Variants in ADAMTS20 observed in about 807,000 individuals in gnomAD.
ADAMTS20 encodes the protein ADAM metallopeptidase with thrombospondin type 1 motif 20.
In ADAMTS20, 225 loss-of-function variants were observed where a neutral mutation model predicts 260.1. The observed-to-expected ratio is 0.87, with a 90% CI of 0.78 to 0.97. The LOEUF (loss-of-function observed/expected upper bound fraction) is 0.97. Among genes scored for constraint, ADAMTS20 ranks in the 50% least tolerant of loss-of-function variants. ADAMTS20 has a pLI of 0.00. For synonymous variants in ADAMTS20, 802 were observed against 769.5 expected, an observed-to-expected ratio of 1.04 and a Z score of -0.70; for missense variants, 2,400 against 2,337.7, an observed-to-expected ratio of 1.03 and a Z score of -0.55.
At position 43,440,037 on chromosome 12, in the gene ADAMTS20, TGAAAA is replaced by T. The variant is rs1293054631; in HGVS notation, c.2318_2322del (p.Leu773GlnfsTer23). ...GACGTACTTAGAAGAAAATTTCCAT[TGAAAA>T]GAAAATTCCCTTCAGCGTCAGATAA... On this transcript the variant is annotated frameshift_variant, in exon 17 of 39. Transcript: ENST00000389420. LOFTEE classifies it high-confidence loss of function. 1.3e-6 allele frequency: 2 copies of T among 1,562,238 alleles called. No homozygotes were observed. The highest frequency in any genetic ancestry group is 1.7e-6 in the Non-Finnish European group (2 of 1,152,164).
intron 11 of ADAMTS20, among the ~76,000 whole-genome samples, chr12:43,457,723 A>C (rs910806086): frequency 6.6e-6 from 1 of 152,178 alleles, no homozygotes; most frequent in Admixed American, 6.5e-5. Context: ...TTGACCTTTC[A>C]TTATCTCACT....
intron 19 of ADAMTS20, among the ~76,000 whole-genome samples, chr12:43,433,132 T>C (rs1237455597): frequency 6.6e-6 from 1 of 152,186 alleles, no homozygotes; most frequent in Non-Finnish European, 1.5e-5. Flanking sequence ...AATCAGATAG[T>C]TTATCCCTAT....
Position 43,375,401 on chromosome 12 carries a change from A to T in ADAMTS20, c.5424T>A (p.Asp1808Glu), listed in dbSNP as rs1296373674. Reference protein sequence around the residue: ...GYTVFSKIRIDLTSMQIKTTD... With the variant: ...GYTVFSKIRIELTSMQIKTTD... The stretch of plus-strand genomic sequence containing the variant: ...TACTTTTAATTTGCATGGAAGTGAG[A>T]TCAATTCTTATTTTGCTGAAAACAG... Residue 1808 changes from aspartate (D) to glutamate (E), a missense_variant, in exon 36 of 39, where the codon GAT becomes GAA. Coordinates refer to ENST00000389420, the MANE Select transcript of ADAMTS20 (RefSeq NM_025003.5). 1 of 1,613,420 alleles carries T rather than the reference A, an allele frequency of 6.2e-7. No homozygotes were observed. The highest frequency in any genetic ancestry group is 1.7e-5 in the Admixed American group (1 of 59,870).
chr12:43,377,801 C>CGT (rs57655714), intron 31 of ADAMTS20, among the ~76,000 whole-genome samples: 37,984 of 150,342 alleles, frequency 0.25, 5,353 homozygotes, highest in African/African-American at 0.39. Context: ...CCTGTGTGTG[C>CGT]GTGTGTGTGT....
intron 11 of ADAMTS20, among the ~76,000 whole-genome samples, chr12:43,459,415 C>G (rs963873790): frequency 4.6e-5 from 7 of 152,206 alleles, no homozygotes; most frequent in African/African-American, 1.4e-4. Flanking sequence ...ATAACACTCA[C>G]AGCATGGCCC....
chr12:43,407,633 C>G (rs1940943388), intron 28 of ADAMTS20, among the ~76,000 whole-genome samples: 1 of 151,820 alleles, frequency 6.6e-6, no homozygotes, highest in African/African-American at 2.4e-5. Flanking sequence ...ATATTATTTT[C>G]CACAAATAAC....
intron 21 of ADAMTS20, 139 bp from the exon 22 acceptor site, chr12:43,431,635 G>C (rs1356029567): frequency 3.1e-6 from 3 of 966,720 alleles, no homozygotes; most frequent in Admixed American, 4.5e-5. Context: ...CTCCACCAGA[G>C]ATATTCACTG....
intron 28 of ADAMTS20, among the ~76,000 whole-genome samples, chr12:43,412,005 A>T (rs1345964793): frequency 4.6e-5 from 7 of 152,190 alleles, no homozygotes; most frequent in Non-Finnish European, 1.0e-4. Flanking sequence ...TACCTTATTA[A>T]CACACTAGAA....
chr12:43,478,062 T>C (rs1276797859), intron 7 of ADAMTS20, among the ~76,000 whole-genome samples: 1 of 152,142 alleles, frequency 6.6e-6, no homozygotes. Flanking sequence ...ATAAGATGTA[T>C]GGCTATCATG....
chr12:43,375,807 C>T (rs947562784), intron 35 of ADAMTS20, among the ~76,000 whole-genome samples: 3 of 152,128 alleles, frequency 2.0e-5, no homozygotes, highest in Non-Finnish European at 2.9e-5. Context: ...TCTCTATGTC[C>T]GACTTCTCAC....
intron 35 of ADAMTS20, 96 bp downstream of exon 35, chr12:43,375,961 C>A: frequency 1.1e-6 from 1 of 884,082 alleles, no homozygotes; most frequent in Non-Finnish European, 1.7e-6. Flanking sequence ...ATTTGTCTCA[C>A]ATGTAAGCTA....
intron 32 of ADAMTS20, 55 bp downstream of exon 32, chr12:43,377,310 C>T (rs2137214100): frequency 1.4e-6 from 2 of 1,467,050 alleles, no homozygotes; most frequent in Non-Finnish European, 1.8e-6. Flanking sequence ...TACCAGATTT[C>T]CCACACCTAG....
intron 9 of ADAMTS20, 55 bp from the exon 10 acceptor site, chr12:43,464,787 A>C: frequency 6.6e-7 from 1 of 1,518,192 alleles, no homozygotes; most frequent in Non-Finnish European, 8.9e-7. Context: ...GCATTCCAGT[A>C]TGATTCTTTA....
rs1476313648 is a variant in ADAMTS20 at position 43,360,330 on chromosome 12, T to A, written c.5539-3742A>T. On this transcript the variant is annotated intron_variant, in intron 37 of 38. Transcript: ENST00000389420. ...CGGGCGTGGTGGCAGTCGCCTGTAATCCTAGCCACTCAGGAGGCTGAGGCA... is the reference window on the plus strand; with the variant it reads ...CGGGCGTGGTGGCAGTCGCCTGTAAACCTAGCCACTCAGGAGGCTGAGGCA... Among the ~76,000 whole-genome samples the A allele has an allele frequency of 2.6e-5, 4 of 152,096 alleles. No homozygotes were observed. The East Asian group carries it at 7.7e-4, about 29-fold the overall frequency.
Position 43,399,144 on chromosome 12 carries a change from A to G in ADAMTS20, c.4374T>C (p.Ser1458=). 1 of 1,559,784 alleles carries G rather than the reference A, an allele frequency of 6.4e-7. No individual in the cohort carries two copies. Among genetic ancestry groups the G allele is most frequent in the South Asian group, 1.2e-5 (1 of 84,602 alleles). ...FQRKLEDTNC[S]QVQKPPTHKA... is the part of the protein sequence containing the mutation. Reference sequence around the variant, plus strand: ...TGTGAGTTGGAGGTTTCTGTACTTGACTGCAATTTGTGTCTTCTAATTTCC... The same window carrying G: ...TGTGAGTTGGAGGTTTCTGTACTTGGCTGCAATTTGTGTCTTCTAATTTCC... Residue 1458 remains serine, a synonymous_variant, in exon 29 of 39, where the codon AGT becomes AGC. Transcript: ENST00000389420.
chr12:43,461,057 C>T (rs1942056699), intron 11 of ADAMTS20, among the ~76,000 whole-genome samples: 1 of 131,728 alleles, frequency 7.6e-6, no homozygotes, highest in Admixed American at 8.7e-5. Flanking sequence ...AAGGCGTGAT[C>T]TCGGCTCACT....
intron 18 of ADAMTS20, among the ~76,000 whole-genome samples, 168 bp downstream of exon 18, chr12:43,439,454 A>C (rs1225540752): frequency 1.3e-5 from 2 of 152,212 alleles, no homozygotes; most frequent in Non-Finnish European, 2.9e-5. Flanking sequence ...AACAGAAAGA[A>C]TTAGTGAAAA....
At chr12:43,481,765 T>A (rs1188655659) in intron 7 of ADAMTS20, among the ~76,000 whole-genome samples, 1 of 152,188 alleles carries the variant, frequency 6.6e-6, no homozygotes, top group Non-Finnish European at 1.5e-5. Context: ...ACTGGAGGTA[T>A]TTTTGGCATG....
chr12:43,460,964 T>TTATATATA (rs1162338659), intron 11 of ADAMTS20, among the ~76,000 whole-genome samples: 61 of 58,002 alleles, frequency 1.1e-3, no homozygotes, highest in Admixed American at 2.4e-3. Flanking sequence ...CACAACTAAA[T>TTATATATA]TATATATATA....
Sources: gnomAD v4.1 joint callset for allele counts (sites outside exome capture counted in the v4.1 genomes callset) on GRCh38, gnomAD v4.1.1 for gene constraint, MANE v1.5 for transcripts, NCBI Gene and HGNC (gene_info 2026-07-23, HGNC 2026-07-21) for gene names.